The following PALM2AKAP2 variants were observed in gnomAD, a reference collection of about 807,000 sequenced individuals.
PALM2AKAP2 encodes PALM2-AKAP2 fusion protein.
In PALM2AKAP2, 37 loss-of-function variants were observed where a neutral mutation model predicts 71.5. That is an observed-to-expected ratio of 0.52 (90% CI 0.40 to 0.68). The LOEUF is 0.68. Ranked by LOEUF, PALM2AKAP2 falls within the 30% of genes least tolerant of loss-of-function variation. The probability of loss-of-function intolerance (pLI) is 0.00; values close to 1 mark genes in which losing one functional copy is unlikely to be tolerated. For missense variants in PALM2AKAP2, 1,224 were observed against 1,191.8 expected, an observed-to-expected ratio of 1.03 and a Z score of -0.40; for synonymous variants, 468 against 478.8, an observed-to-expected ratio of 0.98 and a Z score of 0.29.
In PALM2AKAP2 at chr9:109,664,787, A is replaced by C. The variant is rs150310219; in HGVS notation, c.5+23921A>C. On this transcript the variant is annotated intron_variant, in intron 1 of 6. Transcript: ENST00000374531. ...TGGATAATACCCTGAAGAGTGTTTTACAACTTGGTTCCATTCTCCCCATCA... is the reference window on the plus strand; with the variant it reads ...TGGATAATACCCTGAAGAGTGTTTTCCAACTTGGTTCCATTCTCCCCATCA... Among the ~76,000 whole-genome samples, 378 of 152,312 alleles carry C rather than the reference A, an allele frequency of 2.5e-3. 5 individuals carry two copies. The East Asian group carries it at 0.04, about 16-fold the overall frequency.
chr9:110,052,580 T>A (rs1833733118), intron 1 of PALM2AKAP2, among the ~76,000 whole-genome samples: 1 of 152,242 alleles, frequency 6.6e-6, no homozygotes, highest in Non-Finnish European at 1.5e-5. Context: ...TCTATGTGAT[T>A]TTAAGTAGTA....
chr9:110,058,658 A>C (rs1352626871), intron 1 of PALM2AKAP2, among the ~76,000 whole-genome samples: 2 of 151,708 alleles, frequency 1.3e-5, no homozygotes, highest in Non-Finnish European at 2.9e-5. Context: ...TTCTTACTCA[A>C]CTCCTTCAAT....
intron 7 of PALM2AKAP2, among the ~76,000 whole-genome samples, chr9:110,024,106 C>T (rs1345521698): frequency 6.6e-6 from 1 of 152,032 alleles, no homozygotes; most frequent in Non-Finnish European, 1.5e-5. Flanking sequence ...AATAACACAA[C>T]TTTATTAAGG....
chr9:109,677,965 A>G (rs146742324), intron 1 of PALM2AKAP2, among the ~76,000 whole-genome samples: 1 of 152,238 alleles, frequency 6.6e-6, no homozygotes, highest in South Asian at 2.1e-4. Flanking sequence ...ATAAACTCAT[A>G]GTACACTGTT....
chr9:110,141,316 G>T (rs1836022375), intron 2 of PALM2AKAP2, among the ~76,000 whole-genome samples: 2 of 151,986 alleles, frequency 1.3e-5, no homozygotes, highest in Admixed American at 1.3e-4. Flanking sequence ...TCCCTACAAG[G>T]GGATGGTAAT....
intron 1 of PALM2AKAP2, among the ~76,000 whole-genome samples, chr9:109,857,355 G>A (rs1037015292): frequency 1.3e-5 from 2 of 152,232 alleles, no homozygotes; most frequent in African/African-American, 2.4e-5. Flanking sequence ...CTATGTAAAT[G>A]TCTTCTACAG....
chr9:110,062,127 G>A (rs892979610), intron 1 of PALM2AKAP2, among the ~76,000 whole-genome samples: 1 of 152,194 alleles, frequency 6.6e-6, no homozygotes, highest in African/African-American at 2.4e-5. Flanking sequence ...TACATGTGCA[G>A]GACCTACAGG....
At chr9:109,761,318 A>T (rs1474273627) in intron 1 of PALM2AKAP2, among the ~76,000 whole-genome samples, 1 of 152,152 alleles carries the variant, frequency 6.6e-6, no homozygotes, top group Non-Finnish European at 1.5e-5. Context: ...AACAGTATCT[A>T]TTACTTTGTG....
At chr9:110,112,027 G>C (rs1477427756) in intron 1 of PALM2AKAP2, among the ~76,000 whole-genome samples, 3 of 152,018 alleles carry the variant, frequency 2.0e-5, no homozygotes. Flanking sequence ...TGTTGTGCTC[G>C]AACCTGTATA....
intron 6 of PALM2AKAP2, among the ~76,000 whole-genome samples, chr9:109,963,855 C>T (rs973883837): frequency 6.6e-6 from 1 of 152,158 alleles, no homozygotes; most frequent in African/African-American, 2.4e-5. Context: ...TTGAAGGTAG[C>T]GTATGTGTGG....
chr9:110,135,299 CA>C (rs71373970), intron 1 of PALM2AKAP2, among the ~76,000 whole-genome samples: 107 of 7,254 alleles, frequency 0.015, no homozygotes, highest in African/African-American at 0.028. Context: ...AATCCCATCT[CA>C]AAAAAAAAAA....
At chr9:109,705,746 G>GT (rs769511454) in intron 1 of PALM2AKAP2, among the ~76,000 whole-genome samples, 17 of 152,178 alleles carry the variant, frequency 1.1e-4, no homozygotes, top group East Asian at 3.8e-4. Flanking sequence ...ACTTGGGTTT[G>GT]AATCCAGCCT....
intron 1 of PALM2AKAP2, among the ~76,000 whole-genome samples, chr9:109,789,722 T>C (rs943291986): frequency 1.3e-5 from 2 of 152,206 alleles, no homozygotes; most frequent in East Asian, 1.9e-4. Context: ...GCTCTGGGTT[T>C]GGGAGAAGAC....
intron 2 of PALM2AKAP2, among the ~76,000 whole-genome samples, chr9:110,154,355 G>A (rs946287408): frequency 1.3e-5 from 2 of 152,160 alleles, no homozygotes; most frequent in African/African-American, 2.4e-5. Context: ...GAGCTTACAC[G>A]CTCACCACTG....
At chr9:109,714,298 A>G (rs1027991640) in intron 1 of PALM2AKAP2, among the ~76,000 whole-genome samples, 1 of 151,564 alleles carries the variant, frequency 6.6e-6, no homozygotes, top group Admixed American at 6.6e-5. Flanking sequence ...CTGTCCCTCT[A>G]CTCCCTCCCT....
rs1449977338 is a variant in PALM2AKAP2 at position 110,155,982 on chromosome 9, C to G, written c.2570-337C>G. ...GTGAGTCTCCAAGGTGCCACCACCTCTGACAGTCTAATTCTGTGATCTGTG... is the reference window on the plus strand; with the variant it reads ...GTGAGTCTCCAAGGTGCCACCACCTGTGACAGTCTAATTCTGTGATCTGTG... On this transcript the variant is annotated intron_variant, in intron 2 of 3. Coordinates refer to ENST00000374525, the Ensembl canonical transcript of PALM2AKAP2. 2.6e-5 allele frequency among the ~76,000 whole-genome samples: 4 copies of G among 152,322 alleles called. No homozygotes were observed. In the East Asian group the frequency reaches 7.7e-4, roughly 29 times the overall value.
At chr9:110,107,916 T>A (rs905086603) in intron 1 of PALM2AKAP2, among the ~76,000 whole-genome samples, 4 of 152,194 alleles carry the variant, frequency 2.6e-5, no homozygotes, top group Admixed American at 6.5e-5. Context: ...ATATTGTGAA[T>A]GTAAGCACAG....
At chr9:109,897,564 G>A (rs1830230844) in intron 3 of PALM2AKAP2, among the ~76,000 whole-genome samples, 1 of 152,020 alleles carries the variant, frequency 6.6e-6, no homozygotes, top group South Asian at 2.1e-4. Context: ...GGGCAACAGA[G>A]GGAGACTCCA....
intron 1 of PALM2AKAP2, among the ~76,000 whole-genome samples, chr9:110,093,399 A>G (rs916193284): frequency 4.6e-5 from 7 of 152,130 alleles, no homozygotes; most frequent in Non-Finnish European, 8.8e-5. Context: ...CAAGGGATCA[A>G]TGAGTAAGGA....
Sources: gnomAD v4.1 joint callset for allele counts (sites outside exome capture counted in the v4.1 genomes callset) on GRCh38, gnomAD v4.1.1 for gene constraint, MANE v1.5 for transcripts, NCBI Gene and HGNC (gene_info 2026-07-23, HGNC 2026-07-21) for gene names.